The following TBC1D4 variants were observed in gnomAD, a reference collection of about 807,000 sequenced individuals.
The protein encoded by TBC1D4 is TBC1 domain family member 4.
In TBC1D4, 121 loss-of-function variants were observed where a neutral mutation model predicts 142.5. That is an observed-to-expected ratio of 0.85 (90% CI 0.73 to 0.99). The LOEUF (loss-of-function observed/expected upper bound fraction) is 0.99. Among genes scored for constraint, TBC1D4 ranks in the 50% least tolerant of loss-of-function variants. The pLI is 0.00. For synonymous variants in TBC1D4, 630 were observed against 628.2 expected, an observed-to-expected ratio of 1.00 and a Z score of -0.04; for missense variants, 1,475 against 1,606.6, an observed-to-expected ratio of 0.92 and a Z score of 1.40.
At chr13:75,351,646 A>C (rs1881611432) in intron 4 of TBC1D4, among the ~76,000 whole-genome samples, 2 of 133,852 alleles carry the variant, frequency 1.5e-5, no homozygotes, top group African/African-American at 5.7e-5. Context: ...TTCAATTCCC[A>C]CCTATGAGTG....
chr13:75,449,321 T>C (rs1887431199), intron 1 of TBC1D4, among the ~76,000 whole-genome samples: 1 of 152,040 alleles, frequency 6.6e-6, no homozygotes, highest in Non-Finnish European at 1.5e-5. Flanking sequence ...CACAATTTTT[T>C]TTCTTATACG....
intron 1 of TBC1D4, among the ~76,000 whole-genome samples, chr13:75,395,333 T>C (rs942253233): frequency 2.0e-5 from 3 of 152,202 alleles, no homozygotes; most frequent in Non-Finnish European, 2.9e-5. Context: ...AAGACTCAGT[T>C]CAAACTAGAA....
rs553172192 is a variant in TBC1D4 at position 75,373,500 on chromosome 13, C to T, written c.499-10893G>A. Among the ~76,000 whole-genome samples, 253 of 152,304 alleles carry T rather than the reference C, an allele frequency of 1.7e-3. 4 individuals carry two copies. Among genetic ancestry groups the T allele is most frequent in the Non-Finnish European group, 5.3e-4 (36 of 68,026 alleles). ...CAATAGCAAGCAACCGGATGCTAATCTCTGACCCGGACTTGCACTTTTTGT... is the reference window on the plus strand; with the variant it reads ...CAATAGCAAGCAACCGGATGCTAATTTCTGACCCGGACTTGCACTTTTTGT... On this transcript the variant is annotated intron_variant, in intron 1 of 20. Transcript: ENST00000377636.
At chr13:75,315,351 A>AATATATATATAT (rs144293371) in intron 12 of TBC1D4, among the ~76,000 whole-genome samples, 40 of 142,332 alleles carry the variant, frequency 2.8e-4, no homozygotes, top group African/African-American at 1.0e-3. Flanking sequence ...CTGAATATTG[A>AATATATATATAT]ATATATATAT....
intron 1 of TBC1D4, among the ~76,000 whole-genome samples, chr13:75,418,376 G>A (rs756618942): frequency 2.0e-5 from 3 of 152,168 alleles, no homozygotes; most frequent in African/African-American, 4.8e-5. Context: ...GACAGGAGAT[G>A]GATCTGGGAC....
Position 75,362,451 on chromosome 13 carries a change from A to G in TBC1D4, c.655T>C (p.Ser219Pro), listed in dbSNP as rs1246656597. 1.2e-6 allele frequency: 2 copies of G among 1,614,170 alleles called. No homozygotes were observed. Residue 219 changes from serine (S) to proline (P), a missense_variant, in exon 2 of 21, where the codon TCA (serine) becomes CCA (proline). By Grantham distance (74) the Ser-to-Pro change is moderately conservative (BLOSUM62 -1). Coordinates refer to ENST00000377636, the MANE Select transcript of TBC1D4 (RefSeq NM_014832.5). This position sits in a 1 kb window ranked among gnomAD's most constrained non-coding sequence, Gnocchi z 4.2. ...KVTVTHKKAP[S>P]SLIDDCMEKF... ...TCCATGCAGTCATCGATGAGGCTTG[A>G]GGGGGCCTTCTTGTGGGTCACGGTC...
chr13:75,460,197 G>C (rs183083778), intron 1 of TBC1D4, among the ~76,000 whole-genome samples: 11 of 152,206 alleles, frequency 7.2e-5, no homozygotes, highest in Admixed American at 2.0e-4. Flanking sequence ...CATTGTGTTA[G>C]ATGCTAAGGA....
chr13:75,380,287 T>G (rs1883754786), intron 1 of TBC1D4, among the ~76,000 whole-genome samples: 2 of 151,776 alleles, frequency 1.3e-5, no homozygotes, highest in African/African-American at 4.8e-5. Context: ...GCCTGACCAA[T>G]ATGGTGAAAC....
At chr13:75,437,106 G>A (rs1304309677) in intron 1 of TBC1D4, among the ~76,000 whole-genome samples, 1 of 152,184 alleles carries the variant, frequency 6.6e-6, no homozygotes, top group Non-Finnish European at 1.5e-5. Flanking sequence ...GATTAAGAGA[G>A]ACTTAAACAT....
chr13:75,362,033 A>C lies in TBC1D4; in HGVS notation c.1073T>G (p.Leu358Arg). The stretch of plus-strand genomic sequence containing the variant: ...GCGTCCGATCAGGTGTACCTGGAAG[A>C]GCATGGTCCTGTTCTTCTCCGAGTC... ...PSDSEKNRTM[L>R]FQVGRFEINL... The change falls in exon 2 of 21, where the codon CTC becomes CGC. Residue 358 changes from leucine to arginine, a missense_variant. Leu to Arg is a moderately radical substitution (Grantham distance 102, BLOSUM62 -2). Around this residue, in one of 2 missense-constraint regions of TBC1D4, gnomAD observed 1,227 missense variants for 1,267.7 expected, o/e 0.97. Transcript: ENST00000377636. The surrounding 1 kb of genome is among the most constrained non-coding windows in gnomAD (Gnocchi z 4.2). 2 of 1,614,088 alleles carry C rather than the reference A, an allele frequency of 1.2e-6. No individual in the cohort carries two copies. Among genetic ancestry groups the C allele is most frequent in the African/African-American group, 2.7e-5 (2 of 75,018 alleles).
At chr13:75,330,857 G>A (rs1387783656) in intron 8 of TBC1D4, among the ~76,000 whole-genome samples, 1 of 152,180 alleles carries the variant, frequency 6.6e-6, no homozygotes, top group African/African-American at 2.4e-5. Context: ...GGGTTAGTGT[G>A]TGTAGCCAAG....
rs1002707473 is a variant in TBC1D4 at position 75,324,394 on chromosome 13, A to C, written c.2041T>G (p.Ser681Ala). The C allele has an allele frequency of 3.7e-6, 6 of 1,613,970 alleles. No individual in the cohort carries two copies. Among genetic ancestry groups the C allele is most frequent in the Non-Finnish European group, 5.1e-6 (6 of 1,179,876 alleles). ...QSSSEQCSNL[S>A]SVRRMYKESN... is the part of the protein sequence containing the mutation. The stretch of plus-strand genomic sequence containing the variant: ...TCCTTGTACATGCGTCGAACTGACG[A>C]AAGATTGCTGAGTACAGAAAATACA... The change falls in exon 11 of 21, where the codon TCG (serine) becomes GCG (alanine). Residue 681 changes from serine (S) to alanine (A), a missense_variant. By Grantham distance (99) the Ser-to-Ala change is moderately conservative (BLOSUM62 1). This residue lies in a region of TBC1D4 where 1,227 missense variants were observed against 1,267.7 expected (regional missense o/e 0.97). Coordinates refer to ENST00000377636, the MANE Select transcript of TBC1D4 (RefSeq NM_014832.5).
chr13:75,356,779 T>C (rs1882088020), intron 3 of TBC1D4, among the ~76,000 whole-genome samples: 1 of 152,206 alleles, frequency 6.6e-6, no homozygotes, highest in South Asian at 2.1e-4. Context: ...TTATAGAAAT[T>C]ATTGCAGGTG....
intron 1 of TBC1D4, among the ~76,000 whole-genome samples, chr13:75,378,758 A>C (rs1217945884): frequency 6.6e-6 from 1 of 152,136 alleles, no homozygotes; most frequent in Non-Finnish European, 1.5e-5. Flanking sequence ...GCTCTAAAAA[A>C]TTATCTATTA....
chr13:75,437,103 A>G (rs1886831582), intron 1 of TBC1D4, among the ~76,000 whole-genome samples: 1 of 152,246 alleles, frequency 6.6e-6, no homozygotes, highest in African/African-American at 2.4e-5. Flanking sequence ...CCAGATTAAG[A>G]GAGACTTAAA....
At chr13:75,359,981 T>C in intron 2 of TBC1D4, 123 bp from the exon 3 acceptor site, 2 of 827,812 alleles carry the variant, frequency 2.4e-6, no homozygotes, top group South Asian at 3.0e-5. Context: ...GTATTTCATA[T>C]GTGCTTAAAC....
intron 1 of TBC1D4, among the ~76,000 whole-genome samples, chr13:75,424,400 A>G (rs2138133778): frequency 6.6e-6 from 1 of 152,248 alleles, no homozygotes; most frequent in African/African-American, 2.4e-5. Context: ...GATGTTTTTT[A>G]AATCATTTTT....
At position 75,286,718 on chromosome 13, in the gene TBC1D4, G is replaced by A; in HGVS notation, c.*74C>T. ...CCATCAGCTTCAGGGTCCAGCCTTG[G>A]GCCAGCGACATGCAGGCTCTTCCTC... On this transcript the variant is annotated 3_prime_UTR_variant, in exon 21 of 21. Coordinates refer to ENST00000377636, the MANE Select transcript of TBC1D4 (RefSeq NM_014832.5). The A allele has an allele frequency of 6.8e-7, 1 of 1,468,166 alleles. No individual in the cohort carries two copies. Among genetic ancestry groups the A allele is most frequent in the Non-Finnish European group, 9.4e-7 (1 of 1,066,444 alleles). 90.9% of individuals were successfully genotyped at this position (1,468,166 alleles called of 1,614,324 possible). A position where few individuals can be genotyped will look rare whatever the true frequency, so the allele number is the denominator to read the frequency against.
intron 1 of TBC1D4, chr13:75,375,587 A>C (rs1399196862): frequency 1.3e-5 from 2 of 152,144 alleles, no homozygotes; most frequent in African/African-American, 4.8e-5. Context: ...TGTTTTCATC[A>C]TGGTACTTCA....
Sources: gnomAD v4.1 joint callset for allele counts (sites outside exome capture counted in the v4.1 genomes callset) on GRCh38, gnomAD v4.1.1 for gene constraint, gnomAD v4.1.1 regional missense constraint, Gnocchi (gnomAD v3.1) non-coding constraint, MANE v1.5 for transcripts, NCBI Gene and HGNC (gene_info 2026-07-23, HGNC 2026-07-21) for gene names.